Variants in COPG2 observed in about 807,000 individuals in gnomAD.
The protein encoded by COPG2 is coatomer subunit gamma-2.
In COPG2, 37 loss-of-function variants were observed where a neutral mutation model predicts 46.3. That is an observed-to-expected ratio of 0.80 (90% CI 0.61 to 1.05). The LOEUF is 1.05. COPG2 is among the 50% of genes least tolerant of loss of function. The probability of loss-of-function intolerance (pLI) is 0.00; values close to 1 mark genes in which losing one functional copy is unlikely to be tolerated. For missense variants in COPG2, 427 were observed against 387.8 expected (o/e 1.10, Z -0.85); for synonymous variants, 159 against 129.7 (o/e 1.23, Z -1.53).
At chr7:130,568,561 A>C (rs1041550532) in intron 9 of COPG2, among the ~76,000 whole-genome samples, 2 of 152,206 alleles carry the variant, frequency 1.3e-5, no homozygotes, top group Non-Finnish European at 2.9e-5. Flanking sequence ...AATTTATAAA[A>C]CAATTACTAC....
At chr7:130,527,631 T>C (rs1215827722) in intron 20 of COPG2, among the ~76,000 whole-genome samples, 3 of 152,134 alleles carry the variant, frequency 2.0e-5, no homozygotes, top group Non-Finnish European at 4.4e-5. Context: ...CAAAAGATGC[T>C]TCTGATAGGC....
rs1018257338 is a variant in COPG2, at chr7:130,523,609, T to A, written c.2150-14950A>T. ...ACAAGGATGACAGCTAACAAATGGA[T>A]GTAGCTGAAAAGGCAATGGGACCAC... On this transcript the variant is annotated intron_variant, in intron 20 of 23. Transcript: ENST00000425248. Among the ~76,000 whole-genome samples, 3 of 152,076 alleles carry A rather than the reference T, an allele frequency of 2.0e-5. No homozygotes were observed. The East Asian group carries it at 5.8e-4, about 29-fold the overall frequency.
chr7:130,647,773 C>T (rs1795646241), intron 5 of COPG2, among the ~76,000 whole-genome samples: 1 of 151,060 alleles, frequency 6.6e-6, no homozygotes, highest in Non-Finnish European at 1.5e-5. Flanking sequence ...CTCGGTCGCC[C>T]AGGCTGGAGT....
At chr7:130,576,438 T>C (rs1554446236) in intron 9 of COPG2, among the ~76,000 whole-genome samples, 3 of 152,128 alleles carry the variant, frequency 2.0e-5, no homozygotes, top group Admixed American at 6.5e-5. Flanking sequence ...TGCAAATACA[T>C]GGAAATTAAA....
chr7:130,543,099 A>G (rs1793370361), intron 20 of COPG2, among the ~76,000 whole-genome samples: 2 of 152,250 alleles, frequency 1.3e-5, no homozygotes, highest in South Asian at 4.1e-4. Context: ...TATGGAAGGC[A>G]GTGTTGGCAA....
intron 20 of COPG2, among the ~76,000 whole-genome samples, chr7:130,541,032 G>C (rs1799930466): frequency 6.6e-6 from 1 of 152,204 alleles, no homozygotes; most frequent in Non-Finnish European, 1.5e-5. Flanking sequence ...TGGTGGATGC[G>C]GGAGGATGGA....
intron 9 of COPG2, among the ~76,000 whole-genome samples, chr7:130,601,579 C>T (rs1022127383): frequency 6.6e-6 from 1 of 152,072 alleles, no homozygotes; most frequent in East Asian, 1.9e-4. Flanking sequence ...AACCAAATAC[C>T]GCACATGTTC....
At chr7:130,531,693 A>T (rs1799827044) in intron 20 of COPG2, among the ~76,000 whole-genome samples, 1 of 152,098 alleles carries the variant, frequency 6.6e-6, no homozygotes, top group Non-Finnish European at 1.5e-5. Context: ...GGGGCAGAGG[A>T]GGAAATGCTG....
intron 5 of COPG2, among the ~76,000 whole-genome samples, chr7:130,642,594 C>A (rs1472385582): frequency 1.3e-5 from 2 of 152,150 alleles, no homozygotes; most frequent in Non-Finnish European, 2.9e-5. Context: ...CCTTTTATTG[C>A]TGAGTAATAG....
chr7:130,564,266 C>T lies in COPG2; in HGVS notation c.865G>A (p.Val289Ile), dbSNP rs1222981230. The change falls in exon 10 of 24, where the codon GTT (valine) becomes ATT (isoleucine). Residue 289 changes from valine to isoleucine, a missense_variant. Physicochemically the swap from Val to Ile is conservative, Grantham distance 29 (BLOSUM62 3). Coordinates refer to ENST00000425248, the MANE Select transcript of COPG2 (RefSeq NM_012133.6). ...NCTARELAPA[V>I]SVLQLFCSSP... is the part of the protein sequence containing the mutation. ...CATCAAATATAAAACAAACCTGAAA[C>T]AGCAGGTGCCAACTCTCTTGCAGTG... 1 of 398,424 alleles carries T rather than the reference C, an allele frequency of 2.5e-6. No individual in the cohort carries two copies. The highest frequency in any genetic ancestry group is 3.6e-5 in the East Asian group (1 of 28,070). 24.7% of individuals were successfully genotyped at this position (398,424 alleles called of 1,614,324 possible). A position where few individuals can be genotyped will look rare whatever the true frequency, so the allele number is the denominator to read the frequency against.
At chr7:130,531,110 T>C (rs1799820810) in intron 20 of COPG2, among the ~76,000 whole-genome samples, 1 of 105,422 alleles carries the variant, frequency 9.5e-6, no homozygotes, top group Admixed American at 1.1e-4. Flanking sequence ...GGGGATGGGG[T>C]TTGGGTGGGG....
intron 20 of COPG2, among the ~76,000 whole-genome samples, chr7:130,516,938 G>T (rs953472746): frequency 4.6e-5 from 7 of 152,166 alleles, no homozygotes; most frequent in Non-Finnish European, 1.0e-4. Flanking sequence ...ATACAGTGGA[G>T]AATGTGGCAC....
chr7:130,524,234 C>G (rs1223825354), intron 20 of COPG2, among the ~76,000 whole-genome samples: 2 of 151,954 alleles, frequency 1.3e-5, no homozygotes, highest in Non-Finnish European at 2.9e-5. Flanking sequence ...ACGTGTGATG[C>G]AGAGATGACT....
intron 6 of COPG2, among the ~76,000 whole-genome samples, 158 bp downstream of exon 6, chr7:130,616,832 A>C (rs782557675): frequency 5.3e-5 from 8 of 152,244 alleles, no homozygotes; most frequent in Non-Finnish European, 8.8e-5. Flanking sequence ...ATCTGAAGAC[A>C]AAAGAAAGCC....
chr7:130,634,030 A>T (rs1440330987), intron 5 of COPG2, among the ~76,000 whole-genome samples: 1 of 152,158 alleles, frequency 6.6e-6, no homozygotes, highest in African/African-American at 2.4e-5. Context: ...AGATGGTTGT[A>T]AATGTGTGGT....
At chr7:130,530,655 C>T (rs1022376532) in intron 20 of COPG2, among the ~76,000 whole-genome samples, 3 of 152,182 alleles carry the variant, frequency 2.0e-5, no homozygotes, top group South Asian at 2.1e-4. Flanking sequence ...GTACCTTCCC[C>T]TGGCCAAGGA....
chr7:130,638,802 C>G (rs558078967), intron 5 of COPG2, among the ~76,000 whole-genome samples: 1 of 152,116 alleles, frequency 6.6e-6, no homozygotes, highest in East Asian at 1.9e-4. Context: ...GCAGCTAGCT[C>G]GGTGTCTGCC....
At chr7:130,569,744 G>A (rs916038201) in intron 9 of COPG2, among the ~76,000 whole-genome samples, 6 of 151,754 alleles carry the variant, frequency 4.0e-5, no homozygotes, top group East Asian at 1.9e-4. Flanking sequence ...ACCAGGAAAC[G>A]ACATAACAAA....
chr7:130,528,209 G>A (rs941014063), intron 20 of COPG2, among the ~76,000 whole-genome samples: 11 of 152,114 alleles, frequency 7.2e-5, no homozygotes, highest in Non-Finnish European at 1.0e-4. Context: ...AGGGTGGGCA[G>A]GTGGAGTGGG....
Sources: gnomAD v4.1 joint callset for allele counts (sites outside exome capture counted in the v4.1 genomes callset) on GRCh38, gnomAD v4.1.1 for gene constraint, MANE v1.5 for transcripts, NCBI Gene and HGNC (gene_info 2026-07-23, HGNC 2026-07-21) for gene names.